The following M1AP variants were observed in gnomAD, a reference collection of about 807,000 sequenced individuals.
M1AP encodes meiosis 1 associated protein.
M1AP carries 39 observed loss-of-function variants against 51.2 expected under a neutral mutation model. The ratio of observed to expected loss-of-function variants is 0.76; its 90% CI spans 0.59 to 1.00. The LOEUF (loss-of-function observed/expected upper bound fraction) is 1.00. M1AP is among the 50% of genes least tolerant of loss of function. The pLI is 0.00. For synonymous variants in M1AP, 251 were observed against 249.2 expected (o/e 1.01, Z -0.07); for missense variants, 545 against 641.2 (o/e 0.85, Z 1.62).
intron 1 of M1AP, among the ~76,000 whole-genome samples, chr2:74,645,862 A>G (rs995624868): frequency 5.3e-5 from 8 of 152,060 alleles, no homozygotes; most frequent in African/African-American, 1.2e-4. Flanking sequence ...ATAAAAAAAT[A>G]AAGTAGAGGC....
intron 7 of M1AP, among the ~76,000 whole-genome samples, chr2:74,569,892 ATG>A (rs959712110): frequency 5.2e-4 from 77 of 146,724 alleles, no homozygotes; most frequent in African/African-American, 1.8e-3. Flanking sequence ...GTGTGTGTGT[ATG>A]TGTGTGTGTG....
chr2:74,560,417 G>A, intron 8 of M1AP, 126 bp from the exon 9 acceptor site: 1 of 972,842 alleles, frequency 1.0e-6, no homozygotes, highest in Non-Finnish European at 1.5e-6. Context: ...CATGAAGGCT[G>A]TGAAATAGAT....
intron 10 of M1AP, 91 bp downstream of exon 10, chr2:74,559,603 CAACT>C: frequency 1.4e-6 from 1 of 706,800 alleles, no homozygotes. Context: ...TCTTCAACCC[CAACT>C]GTCTTCAACC....
At chr2:74,628,582 C>A in intron 2 of M1AP, 1 of 578,726 alleles carries the variant, frequency 1.7e-6, no homozygotes, top group Non-Finnish European at 3.2e-6. Flanking sequence ...GATTCAGCTT[C>A]TGACACAGTT....
chr2:74,558,770 G>A lies in M1AP; in HGVS notation c.1539C>T (p.Ser513=). ...CTGAAGGCAGGAAGAAGGCATCTGA[G>A]GAAGATTTGCTGGCTGCTGGCATCT... ...ASKMPAASKS[S]SDAFFLPSEW... is the part of the protein sequence containing the mutation. The change falls in exon 11 of 11, where the codon TCC becomes TCT. Residue 513 remains serine, a synonymous_variant. Coordinates refer to ENST00000421985, the MANE Select transcript of M1AP (RefSeq NM_001321739.2). 1.2e-6 allele frequency: 2 copies of A among 1,612,556 alleles called. No individual in the cohort carries two copies. The highest frequency in any genetic ancestry group is 1.7e-6 in the Non-Finnish European group (2 of 1,179,476).
intron 6 of M1AP, 27 bp from the exon 7 acceptor site, chr2:74,575,606 A>C: frequency 6.3e-7 from 1 of 1,581,380 alleles, no homozygotes; most frequent in Admixed American, 1.7e-5. Context: ...ACAGTCAAAG[A>C]CTCCTTAGTG....
At chr2:74,576,416 T>C in intron 6 of M1AP, 40 bp downstream of exon 6, 7 of 1,603,480 alleles carry the variant, frequency 4.4e-6, no homozygotes, top group Non-Finnish European at 6.0e-6. Context: ...CCACTAAGAA[T>C]AGCATTTGCA....
chr2:74,591,590 G>A (rs973263478), intron 4 of M1AP, among the ~76,000 whole-genome samples: 44 of 152,224 alleles, frequency 2.9e-4, no homozygotes, highest in African/African-American at 1.0e-3. Context: ...TTAGGAAGGC[G>A]TTAAATCTTT....
intron 4 of M1AP, 149 bp from the exon 5 acceptor site, chr2:74,581,996 A>G: frequency 1.5e-6 from 1 of 661,116 alleles, no homozygotes; most frequent in Non-Finnish European, 2.5e-6. Flanking sequence ...ATGCACAATC[A>G]TTGCTCACTG....
At chr2:74,585,580 C>T (rs897818763) in intron 4 of M1AP, among the ~76,000 whole-genome samples, 2 of 152,190 alleles carry the variant, frequency 1.3e-5, no homozygotes, top group African/African-American at 4.8e-5. Context: ...AACTTCTTAA[C>T]CTACATGTTC....
At chr2:74,561,247 G>GAGGAGGAGA (rs1677985270) in intron 8 of M1AP, among the ~76,000 whole-genome samples, 6 of 78,272 alleles carry the variant, frequency 7.7e-5, no homozygotes, top group African/African-American at 1.6e-4. Context: ...GGAGGAGGAG[G>GAGGAGGAGA]AGGAGGAGGA....
chr2:74,616,471 T>C lies in M1AP; in HGVS notation c.241-1322A>G, dbSNP rs368595204. On this transcript the variant is annotated intron_variant, in intron 2 of 10. Coordinates refer to ENST00000421985, the MANE Select transcript of M1AP (RefSeq NM_001321739.2). ...AAAGTACATGAACAAGCTCTTTTTT[T>C]CCCAAGAGATAGAAATTTAGATTGT... 4.0e-4 allele frequency among the ~76,000 whole-genome samples: 61 copies of C among 152,214 alleles called. 1 individual carries two copies. Among genetic ancestry groups the C allele is most frequent in the African/African-American group, 1.4e-3 (60 of 41,576 alleles).
At chr2:74,563,883 C>T (rs1175671857) in intron 7 of M1AP, among the ~76,000 whole-genome samples, 1 of 152,084 alleles carries the variant, frequency 6.6e-6, no homozygotes, top group Non-Finnish European at 1.5e-5. Flanking sequence ...GAAAATGAGG[C>T]AATTTTTTTT....
At chr2:74,617,102 A>G (rs1282082921) in intron 2 of M1AP, among the ~76,000 whole-genome samples, 1 of 152,238 alleles carries the variant, frequency 6.6e-6, no homozygotes, top group Non-Finnish European at 1.5e-5. Context: ...ATTTTAAAAG[A>G]CTAAATGTGA....
intron 2 of M1AP, among the ~76,000 whole-genome samples, chr2:74,630,890 C>T (rs889908885): frequency 2.0e-5 from 3 of 152,086 alleles, no homozygotes; most frequent in African/African-American, 7.2e-5. Context: ...TCTCAGTGTG[C>T]CTTCTTGATC....
rs760639687 is a variant in M1AP at position 74,560,129 on chromosome 2, G to A, written c.1422+22C>T. ...GGGAGGGAGGGGAAGTAAGGAAGAG[G>A]AGGGAAGGAGGGGAGCGGTACCTTT... On this transcript the variant is annotated intron_variant, in intron 9 of 10. Coordinates refer to ENST00000421985, the MANE Select transcript of M1AP (RefSeq NM_001321739.2). 2.9e-5 allele frequency: 46 copies of A among 1,612,270 alleles called. 1 individual carries two copies. The South Asian group carries it at 4.1e-4, about 14-fold the overall frequency.
At chr2:74,597,485 C>G (rs935185788) in intron 4 of M1AP, among the ~76,000 whole-genome samples, 8 of 152,196 alleles carry the variant, frequency 5.3e-5, no homozygotes, top group Admixed American at 5.2e-4. Flanking sequence ...ACCCCACCCC[C>G]AGCCCTTTTT....
Position 74,621,426 on chromosome 2 carries a change from G to A in M1AP, c.241-6277C>T, listed in dbSNP as rs150448086. On this transcript the variant is annotated intron_variant, in intron 2 of 10. Coordinates refer to ENST00000421985, the MANE Select transcript of M1AP (RefSeq NM_001321739.2). ...GCCGCCTGTGGTTATTATCTGAGAC[G>A]TGGCTACTCTAACTGAAGGTTTGTT... is the stretch of plus-strand genomic sequence containing the variant. Among the ~76,000 whole-genome samples, 44 of 152,234 alleles carry A rather than the reference G, an allele frequency of 2.9e-4. No homozygotes were observed. In the East Asian group the frequency reaches 7.9e-3, roughly 27 times the overall value.
intron 4 of M1AP, among the ~76,000 whole-genome samples, chr2:74,592,005 T>C (rs1371104299): frequency 1.3e-5 from 2 of 152,048 alleles, no homozygotes; most frequent in African/African-American, 2.4e-5. Flanking sequence ...GGTTTCACTA[T>C]GTTGGCCAGG....
Sources: gnomAD v4.1 joint callset for allele counts (sites outside exome capture counted in the v4.1 genomes callset) on GRCh38, gnomAD v4.1.1 for gene constraint, MANE v1.5 for transcripts, NCBI Gene and HGNC (gene_info 2026-07-23, HGNC 2026-07-21) for gene names.